Variants in RTN4RL1 observed in about 807,000 individuals in gnomAD.
RTN4RL1 encodes the protein reticulon-4 receptor-like 1.
A neutral mutation model predicts 25.6 loss-of-function variants in RTN4RL1; 7 were observed. The ratio of observed to expected loss-of-function variants is 0.27; its 90% CI spans 0.16 to 0.51. The LOEUF (loss-of-function observed/expected upper bound fraction) is 0.51. Ranked by LOEUF, RTN4RL1 falls within the 20% of genes least tolerant of loss-of-function variation. RTN4RL1 has a pLI of 0.97. For missense variants in RTN4RL1, 500 were observed against 615.6 expected (o/e 0.81, Z 1.99); for synonymous variants, 297 against 288.2 (o/e 1.03, Z -0.31).
intron 1 of RTN4RL1, among the ~76,000 whole-genome samples, chr17:1,982,508 G>A (rs968697320): frequency 1.2e-4 from 18 of 151,956 alleles, no homozygotes; most frequent in African/African-American, 3.4e-4. Flanking sequence ...CCAGCTACTC[G>A]GGGGGCCAAG....
At chr17:2,013,370 C>A (rs1370726671) in intron 1 of RTN4RL1, among the ~76,000 whole-genome samples, 1 of 152,212 alleles carries the variant, frequency 6.6e-6, no homozygotes, top group East Asian at 1.9e-4. Flanking sequence ...ACAGCCCTGG[C>A]TTTGACCATT....
At chr17:2,015,783 G>A (rs1052857822) in intron 1 of RTN4RL1, among the ~76,000 whole-genome samples, 6 of 152,052 alleles carry the variant, frequency 3.9e-5, no homozygotes, top group African/African-American at 7.2e-5. Context: ...CCGAGCGGCC[G>A]CAAGGGGTCC....
chr17:1,997,919 G>A, intron 1 of RTN4RL1, among the ~76,000 whole-genome samples: 1 of 152,220 alleles, frequency 6.6e-6, no homozygotes, highest in East Asian at 1.9e-4. Flanking sequence ...GGGCCGGCGC[G>A]CTCCTCGCAG....
At chr17:1,939,943 C>A (rs1425492138) in intron 1 of RTN4RL1, among the ~76,000 whole-genome samples, 2 of 152,212 alleles carry the variant, frequency 1.3e-5, no homozygotes, top group African/African-American at 4.8e-5. Context: ...GCACCCAGGG[C>A]AGCTGAGTCT....
intron 1 of RTN4RL1, among the ~76,000 whole-genome samples, chr17:2,014,846 A>AAAAGAACATGATTC (rs2067099754): frequency 6.6e-6 from 1 of 152,066 alleles, no homozygotes; most frequent in Non-Finnish European, 1.5e-5. Context: ...GAAAAAAAAA[A>AAAAGAACATGATTC]AAAGAACATG....
chr17:2,004,569 G>C (rs1015813657), intron 1 of RTN4RL1, among the ~76,000 whole-genome samples: 1 of 152,086 alleles, frequency 6.6e-6, no homozygotes, highest in Non-Finnish European at 1.5e-5. Context: ...CAGTGTTCTG[G>C]GGAGGCCTTC....
At chr17:2,002,160 C>A (rs1162689598) in intron 1 of RTN4RL1, among the ~76,000 whole-genome samples, 2 of 152,110 alleles carry the variant, frequency 1.3e-5, no homozygotes, top group African/African-American at 4.8e-5. Flanking sequence ...TAGGTCCTGG[C>A]AGACACTGCA....
chr17:2,022,146 C>T (rs1473610232), intron 1 of RTN4RL1, among the ~76,000 whole-genome samples: 3 of 151,882 alleles, frequency 2.0e-5, no homozygotes, highest in Non-Finnish European at 4.4e-5. Flanking sequence ...AAAACCCCAT[C>T]TCTACTAAAA....
At chr17:1,961,424 C>T (rs150428872) in intron 1 of RTN4RL1, among the ~76,000 whole-genome samples, 263 of 152,254 alleles carry the variant, frequency 1.7e-3, no homozygotes, top group African/African-American at 6.0e-3. Context: ...AGTCACGTGA[C>T]GGCCTCTCTA....
intron 1 of RTN4RL1, among the ~76,000 whole-genome samples, chr17:1,950,824 C>A (rs1195178680): frequency 5.2e-5 from 6 of 115,282 alleles, no homozygotes; most frequent in African/African-American, 2.1e-4. Flanking sequence ...CCAACCTGGG[C>A]GACAGAGTGA....
intron 1 of RTN4RL1, among the ~76,000 whole-genome samples, chr17:1,941,208 C>A (rs147017905): frequency 5.3e-5 from 8 of 152,274 alleles, no homozygotes; most frequent in Non-Finnish European, 1.2e-4. Context: ...GCGGGTCCCA[C>A]GGAGAGACAT....
intron 1 of RTN4RL1, among the ~76,000 whole-genome samples, chr17:1,999,094 TCA>T (rs59609042): frequency 1.7e-3 from 253 of 147,350 alleles, no homozygotes; most frequent in East Asian, 0.013. Flanking sequence ...ACATGCGCGA[TCA>T]CACACACACA....
chr17:2,020,660 TTGAC>T (rs2067188898), intron 1 of RTN4RL1: 1 of 152,222 alleles, frequency 6.6e-6, no homozygotes, highest in African/African-American at 2.4e-5. Flanking sequence ...ATGAGTGTGT[TTGAC>T]TGATTTTGTG....
At chr17:2,021,169 C>T (rs2067196075) in intron 1 of RTN4RL1, among the ~76,000 whole-genome samples, 1 of 152,156 alleles carries the variant, frequency 6.6e-6, no homozygotes, top group African/African-American at 2.4e-5. Context: ...TTAAGAGATG[C>T]AAGGCAGTCC....
intron 1 of RTN4RL1, chr17:2,019,466 A>G (rs986100617): frequency 2.6e-5 from 4 of 152,194 alleles, no homozygotes; most frequent in African/African-American, 9.7e-5. Context: ...GCCTCATCCC[A>G]AAGACACGGC....
chr17:1,935,431 G>T lies in RTN4RL1; in HGVS notation c.*1065C>A. 2.1e-6 allele frequency: 1 copy of T among 476,316 alleles called. No individual in the cohort carries two copies. Among genetic ancestry groups the T allele is most frequent in the Non-Finnish European group, 2.7e-6 (1 of 364,504 alleles). The allele number at this position is 476,316 out of a possible 1,614,324, so 29.5% of individuals were successfully genotyped here. On this transcript the variant is annotated 3_prime_UTR_variant, in exon 2 of 2. Coordinates refer to ENST00000331238, the MANE Select transcript of RTN4RL1 (RefSeq NM_178568.4). Reference sequence around the variant, plus strand: ...GTGTTGCATATAAAAACAAGGTGATGCTCTAAATATCTAAGAATATTGGTC... The same window carrying T: ...GTGTTGCATATAAAAACAAGGTGATTCTCTAAATATCTAAGAATATTGGTC...
rs1025323618 is a variant in RTN4RL1 at position 2,006,844 on chromosome 17, A to C, written c.13+18009T>G. On this transcript the variant is annotated intron_variant, in intron 1 of 1. Transcript: ENST00000331238. ...GGTTTCGCCATGTTGGCTGGTCTTG[A>C]ACTCCTGGCCTCAAACGATCCTCCT... Among the ~76,000 whole-genome samples, 33 of 150,988 alleles carry C rather than the reference A, an allele frequency of 2.2e-4. 1 individual carries two copies. Among genetic ancestry groups the C allele is most frequent in the African/African-American group, 7.8e-4 (32 of 41,018 alleles).
intron 1 of RTN4RL1, among the ~76,000 whole-genome samples, chr17:1,981,117 G>A (rs764876985): frequency 3.4e-5 from 5 of 147,536 alleles, no homozygotes; most frequent in South Asian, 2.1e-4. Context: ...TGGGAGCCTC[G>A]TGCCTAGGAC....
At chr17:1,952,546 T>C (rs547010458) in intron 1 of RTN4RL1, among the ~76,000 whole-genome samples, 17 of 151,712 alleles carry the variant, frequency 1.1e-4, no homozygotes, top group African/African-American at 3.9e-4. Context: ...GGTTTCATCA[T>C]GTTGGTGAGA....
Sources: allele counts gnomAD v4.1 joint callset (sites outside exome capture counted in the v4.1 genomes callset), GRCh38; gene constraint gnomAD v4.1.1; transcripts MANE v1.5; gene names NCBI Gene and HGNC (gene_info 2026-07-23, HGNC 2026-07-21).